The following NR2C2 variants were observed in gnomAD, a reference collection of about 807,000 sequenced individuals.
NR2C2 encodes nuclear receptor subfamily 2 group C member 2.
NR2C2 carries 6 observed loss-of-function variants against 62.9 expected under a neutral mutation model. The ratio of observed to expected loss-of-function variants is 0.10; its 90% CI spans 0.05 to 0.19. The LOEUF (loss-of-function observed/expected upper bound fraction) is 0.19, where lower values mean the gene tolerates loss of function less well. Ranked by LOEUF, NR2C2 falls within the 10% of genes least tolerant of loss-of-function variation. NR2C2 has a pLI of 1.00. For missense variants in NR2C2, 479 were observed against 762.7 expected, an observed-to-expected ratio of 0.63 and a Z score of 4.38; for synonymous variants, 272 against 273.8, an observed-to-expected ratio of 0.99 and a Z score of 0.07.
At chr3:15,032,834 C>G (rs1020532079) in intron 10 of NR2C2, among the ~76,000 whole-genome samples, 1 of 152,218 alleles carries the variant, frequency 6.6e-6, no homozygotes, top group African/African-American at 2.4e-5. Flanking sequence ...AGGCCGGGAA[C>G]TGTGCCTAGG....
intron 1 of NR2C2, chr3:14,948,279 T>C (rs1474101949): frequency 2.0e-5 from 3 of 152,536 alleles, no homozygotes; most frequent in African/African-American, 7.2e-5. Context: ...CCGCCTGCAG[T>C]CCCTTCTTCC....
In NR2C2 at chr3:15,020,663, TGA is replaced by T; in HGVS notation, c.377-87_377-86del. ...CAGTGTATGGCACCCATCACTTCAA[TGA>T]GACTTGCACAGGAACTGACAGATCA... On this transcript the variant is annotated intron_variant, in intron 4 of 13. Transcript: ENST00000425241. The T allele has an allele frequency of 6.8e-6, 10 of 1,466,442 alleles. No homozygotes were observed. In the South Asian group the frequency reaches 1.1e-4, roughly 17 times the overall value. 90.8% of individuals were successfully genotyped at this position (1,466,442 alleles called of 1,614,324 possible).
Position 15,019,157 on chromosome 3 carries a change from T to C in NR2C2, c.377-1596T>C, listed in dbSNP as rs141377172. ...ACAAGAATCACTTGAACCCAGGAGG[T>C]GGAGGTTGCAGTGAGCCGAAATCAT... On this transcript the variant is annotated intron_variant, in intron 4 of 13. Transcript: ENST00000425241. Among the ~76,000 whole-genome samples, 214 of 149,666 alleles carry C rather than the reference T, an allele frequency of 1.4e-3. 5 individuals are homozygous for C. The East Asian group carries it at 0.039, about 27-fold the overall frequency.
chr3:15,032,950 C>T (rs1431215051), intron 10 of NR2C2, among the ~76,000 whole-genome samples: 1 of 151,844 alleles, frequency 6.6e-6, no homozygotes, highest in East Asian at 1.9e-4. Context: ...AACCTGGTGT[C>T]ATCTCTACAG....
chr3:14,992,667 G>A (rs2040704579), intron 1 of NR2C2, among the ~76,000 whole-genome samples: 1 of 152,192 alleles, frequency 6.6e-6, no homozygotes, highest in African/African-American at 2.4e-5. Context: ...GGCCAGAGGA[G>A]CATGGCTTTT....
At chr3:15,022,075 C>T (rs915808736) in intron 5 of NR2C2, among the ~76,000 whole-genome samples, 2 of 152,242 alleles carry the variant, frequency 1.3e-5, no homozygotes, top group Admixed American at 1.3e-4. Context: ...GTGAACACAG[C>T]TGTAGCTGCA....
chr3:14,998,586 CTT>C (rs2040897362), intron 1 of NR2C2, among the ~76,000 whole-genome samples: 1 of 152,082 alleles, frequency 6.6e-6, no homozygotes, highest in Non-Finnish European at 1.5e-5. Context: ...CTGTTTAACT[CTT>C]TGCTCATTTT....
At position 15,045,769 on chromosome 3, in the gene NR2C2, T is replaced by C. The variant is rs1185297077; in HGVS notation, c.*2761T>C. On this transcript the variant is annotated 3_prime_UTR_variant, in exon 14 of 14. Coordinates refer to ENST00000425241, the MANE Select transcript of NR2C2 (RefSeq NM_001291694.2). ...CCCTTATTAGCAGTTTGTGAAACTT[T>C]GGGTTTCATGAAGTGAGACCTGTCC... 1.3e-5 allele frequency: 2 copies of C among 152,654 alleles called. No homozygotes were observed. Among genetic ancestry groups the C allele is most frequent in the African/African-American group, 2.4e-5 (1 of 41,464 alleles). 9.5% of individuals were successfully genotyped at this position (152,654 alleles called of 1,614,324 possible). A position where few individuals can be genotyped will look rare whatever the true frequency, so the allele number is the denominator to read the frequency against.
chr3:15,024,288 C>A (rs994900195), intron 7 of NR2C2, 80 bp downstream of exon 7: 3 of 910,760 alleles, frequency 3.3e-6, no homozygotes, highest in African/African-American at 1.7e-5. Flanking sequence ...GCACCACTTT[C>A]TTCCTGGCCT....
chr3:14,968,063 A>G (rs1432218331), intron 1 of NR2C2, among the ~76,000 whole-genome samples: 3 of 152,264 alleles, frequency 2.0e-5, no homozygotes, highest in African/African-American at 7.2e-5. Flanking sequence ...ATTACCATTC[A>G]GGACATAGGC....
At chr3:15,038,928 C>G (rs1007264963) in intron 12 of NR2C2, 194 bp from the exon 13 acceptor site, 14 of 579,920 alleles carry the variant, frequency 2.4e-5, no homozygotes, top group Non-Finnish European at 4.3e-5. Context: ...CGACCCGCTC[C>G]CAGGAACTTC....
At chr3:14,958,981 T>A (rs569639224) in intron 1 of NR2C2, among the ~76,000 whole-genome samples, 185 of 152,226 alleles carry the variant, frequency 1.2e-3, no homozygotes, top group Middle Eastern at 6.8e-3. Context: ...TCTCAAAAAA[T>A]ATATATATAT....
In NR2C2 at chr3:15,020,778, T is replaced by C. The variant is rs759233292; in HGVS notation, c.402T>C (p.Cys134=). The stretch of plus-strand genomic sequence containing the variant: ...GCCGTCACTATGGGGCTGTCAGTTG[T>C]GAAGGTTGCAAAGGTTTCTTCAAAA... ...ASGRHYGAVS[C]EGCKGFFKRS... The change falls in exon 5 of 14, where the codon TGT becomes TGC. Residue 134 remains cysteine (C), a synonymous_variant. Coordinates refer to ENST00000425241, the MANE Select transcript of NR2C2 (RefSeq NM_001291694.2). 5.5e-5 allele frequency: 89 copies of C among 1,614,084 alleles called. No homozygotes were observed. Among genetic ancestry groups the C allele is most frequent in the Middle Eastern group, 3.3e-4 (2 of 6,084 alleles).
chr3:15,042,223 C>T (rs2042295983), intron 13 of NR2C2, among the ~76,000 whole-genome samples: 1 of 152,126 alleles, frequency 6.6e-6, no homozygotes, highest in South Asian at 2.1e-4. Flanking sequence ...GTGGTGCACC[C>T]TCCACCCCAA....
At chr3:14,965,062 G>A (rs536011670) in intron 1 of NR2C2, among the ~76,000 whole-genome samples, 1 of 152,066 alleles carries the variant, frequency 6.6e-6, no homozygotes, top group African/African-American at 2.4e-5. Context: ...GGGGGAAGCC[G>A]GAATACCTGC....
intron 3 of NR2C2, 68 bp downstream of exon 3, chr3:15,013,857 C>A (rs891482022): frequency 1.6e-5 from 25 of 1,533,498 alleles, no homozygotes; most frequent in Non-Finnish European, 2.2e-5. Context: ...CTTGTTCTTA[C>A]ATCTGCCTTC....
Position 15,045,829 on chromosome 3 carries a change from C to A in NR2C2, c.*2821C>A, listed in dbSNP as rs532560812. On this transcript the variant is annotated 3_prime_UTR_variant, in exon 14 of 14. Coordinates refer to ENST00000425241, the MANE Select transcript of NR2C2 (RefSeq NM_001291694.2). Reference sequence around the variant, plus strand: ...TGAACTCCATGGAGCCACGTTCATGCTCCCTCTTCTACTGGCCTGGCTGCT... The same window carrying A: ...TGAACTCCATGGAGCCACGTTCATGATCCCTCTTCTACTGGCCTGGCTGCT... 3 of 152,554 alleles carry A rather than the reference C, an allele frequency of 2.0e-5. No homozygotes were observed. The highest frequency in any genetic ancestry group is 7.2e-5 in the African/African-American group (3 of 41,600). The allele number at this position is 152,554 out of a possible 1,614,324, so 9.5% of individuals were successfully genotyped here.
At chr3:15,032,202 C>G (rs2041997623) in intron 9 of NR2C2, among the ~76,000 whole-genome samples, 177 bp from the exon 10 acceptor site, 1 of 152,176 alleles carries the variant, frequency 6.6e-6, no homozygotes, top group Admixed American at 6.5e-5. Flanking sequence ...GACCCTAGTT[C>G]ACTGAGCAAG....
Position 15,048,021 on chromosome 3 carries a change from C to T in NR2C2, c.*5013C>T, listed in dbSNP as rs1489838388. The T allele has an allele frequency of 6.6e-6, 1 of 152,596 alleles. No homozygotes were observed. The highest frequency in any genetic ancestry group is 1.5e-5 in the Non-Finnish European group (1 of 68,044). 9.5% of individuals were successfully genotyped at this position (152,596 alleles called of 1,614,324 possible). A position where few individuals can be genotyped will look rare whatever the true frequency, so the allele number is the denominator to read the frequency against. On this transcript the variant is annotated 3_prime_UTR_variant, in exon 14 of 14. Transcript: ENST00000425241. ...AGGGCCTGGCCCAGCAGTAGTTGCT[C>T]ATAGACCTGGGAAGCAGGGGCCTGC...
Sources: gnomAD v4.1 joint callset for allele counts (sites outside exome capture counted in the v4.1 genomes callset) on GRCh38, gnomAD v4.1.1 for gene constraint, MANE v1.5 for transcripts, NCBI Gene and HGNC (gene_info 2026-07-23, HGNC 2026-07-21) for gene names.